TP73: variants seen among roughly 807,000 people sequenced by gnomAD.
The protein encoded by TP73 is p53-like transcription factor.
A neutral mutation model predicts 62.5 loss-of-function variants in TP73; 25 were observed. The ratio of observed to expected loss-of-function variants is 0.40; its 90% CI spans 0.29 to 0.56. TP73 has a LOEUF of 0.56. TP73 is among the 20% of genes least tolerant of loss of function. The pLI is 0.46. For synonymous variants in TP73, 423 were observed against 377.5 expected (o/e 1.12, Z -1.40); for missense variants, 754 against 913.3 (o/e 0.83, Z 2.25).
chr1:3,681,040 G>C (rs1193925894), intron 1 of TP73, among the ~76,000 whole-genome samples: 1 of 152,222 alleles, frequency 6.6e-6, no homozygotes, highest in Non-Finnish European at 1.5e-5. Context: ...GAGGTGGCTT[G>C]GGCCAGCACC....
intron 3 of TP73, among the ~76,000 whole-genome samples, chr1:3,695,045 G>A (rs866323108): frequency 9.8e-5 from 15 of 152,290 alleles, no homozygotes; most frequent in Admixed American, 2.0e-4. Flanking sequence ...ATGGGGGACT[G>A]GATAATCCTG....
chr1:3,657,623 G>A (rs961850476), intron 1 of TP73, among the ~76,000 whole-genome samples: 1 of 152,314 alleles, frequency 6.6e-6, no homozygotes. Flanking sequence ...CCCGGACAAG[G>A]CGTCTGAGAT....
chr1:3,697,492 G>A (rs1357464937), intron 3 of TP73, among the ~76,000 whole-genome samples: 3 of 152,196 alleles, frequency 2.0e-5, no homozygotes, highest in African/African-American at 4.8e-5. Context: ...TCCCGAGCCC[G>A]TCCTTGCCTG....
In TP73 at chr1:3,701,019, C is replaced by T. The variant is rs1639119331; in HGVS notation, c.187-6530C>T. The stretch of plus-strand genomic sequence containing the variant: ...TGAGGAAGGCAGCCTGGACCCTGGG[C>T]ACTGTCTGGGCTTGGGGCTGTGGCC... On this transcript the variant is annotated intron_variant, in intron 3 of 13. Coordinates refer to ENST00000378295, the MANE Select transcript of TP73 (RefSeq NM_005427.4). This position sits in a 1 kb window ranked among gnomAD's most constrained non-coding sequence, Gnocchi z 4.7. 6.6e-6 allele frequency among the ~76,000 whole-genome samples: 1 copy of T among 152,200 alleles called. No individual in the cohort carries two copies. Among genetic ancestry groups the T allele is most frequent in the African/African-American group, 2.4e-5 (1 of 41,460 alleles).
At position 3,699,982 on chromosome 1, in the gene TP73, A is replaced by G. The variant is rs1173600832; in HGVS notation, c.187-7567A>G. On this transcript the variant is annotated intron_variant, in intron 3 of 13. Coordinates refer to ENST00000378295, the MANE Select transcript of TP73 (RefSeq NM_005427.4). This position sits in a 1 kb window ranked among gnomAD's most constrained non-coding sequence, Gnocchi z 4.1. ...TGATCTCCGCCAAGCCCAGGGCCCC[A>G]GGAAGCGGCCCCATCCTTGGGAGCT... 6.6e-6 allele frequency among the ~76,000 whole-genome samples: 1 copy of G among 152,002 alleles called. No individual in the cohort carries two copies. Among genetic ancestry groups the G allele is most frequent in the African/African-American group, 2.4e-5 (1 of 41,392 alleles).
chr1:3,707,302 T>A (rs72846529), intron 3 of TP73, among the ~76,000 whole-genome samples: 4,717 of 152,236 alleles, frequency 0.031, 267 homozygotes, highest in African/African-American at 0.11. Context: ...TTCCGCCTCA[T>A]CAACGGCTGG....
Position 3,699,481 on chromosome 1 carries a change from A to G in TP73, c.187-8068A>G, listed in dbSNP as rs1275519547. 6.6e-6 allele frequency among the ~76,000 whole-genome samples: 1 copy of G among 152,196 alleles called. No homozygotes were observed. The highest frequency in any genetic ancestry group is 1.5e-5 in the Non-Finnish European group (1 of 68,026). On this transcript the variant is annotated intron_variant, in intron 3 of 13. Transcript: ENST00000378295. This position sits in a 1 kb window ranked among gnomAD's most constrained non-coding sequence, Gnocchi z 4.1. ...GAGCCCCTGTCCAGGCTGGAGGGAG[A>G]AGGCCAGGAGGCCAGAGGGAGGCCA... is the stretch of plus-strand genomic sequence containing the variant.
At chr1:3,721,121 G>A (rs1283639219) in intron 4 of TP73, among the ~76,000 whole-genome samples, 9 of 152,384 alleles carry the variant, frequency 5.9e-5, no homozygotes, top group Admixed American at 5.9e-4. Flanking sequence ...CAGCTTGGAA[G>A]TGAGTGGACG....
chr1:3,702,030 G>C (rs1364677758), intron 3 of TP73, among the ~76,000 whole-genome samples: 1 of 152,156 alleles, frequency 6.6e-6, no homozygotes, highest in Non-Finnish European at 1.5e-5. Context: ...GGCATCAGTA[G>C]ACCCAGAAGA....
In TP73 at chr1:3,676,447, G is replaced by A. The variant is rs569041292; in HGVS notation, c.-33-5886G>A. ...GGGACAGGGAGAGGACAGAGGAACA[G>A]GGGACAGGGAGGGGATGCTTGGGGA... On this transcript the variant is annotated intron_variant, in intron 1 of 13. Transcript: ENST00000378295. 3.3e-5 allele frequency among the ~76,000 whole-genome samples: 5 copies of A among 149,502 alleles called. No homozygotes were observed. In the East Asian group the frequency reaches 9.9e-4, roughly 30 times the overall value.
chr1:3,727,329 G>A (rs1641731489), intron 7 of TP73, 105 bp downstream of exon 7: 1 of 1,201,378 alleles, frequency 8.3e-7, no homozygotes. Context: ...CTAGCTTGGG[G>A]AAGAGACTTT....
intron 1 of TP73, chr1:3,659,017 G>C (rs1195715729): frequency 6.6e-6 from 1 of 152,098 alleles, no homozygotes; most frequent in Non-Finnish European, 1.5e-5. Context: ...CATATTTAGG[G>C]GTGGCGTATT....
At position 3,727,129 on chromosome 1, in the gene TP73, C is replaced by T. The variant is rs567288084; in HGVS notation, c.747C>T (p.Phe249=). ...CCCATGTGCAGGTGGGGACGGAATT[C>T]ACCACCATCCTGTACAACTTCATGT... ...PYEPPQVGTE[F]TTILYNFMCN... Residue 249 remains phenylalanine, a synonymous_variant, in exon 7 of 14, where the codon TTC becomes TTT. Coordinates refer to ENST00000378295, the MANE Select transcript of TP73 (RefSeq NM_005427.4). 4 of 1,611,738 alleles carry T rather than the reference C, an allele frequency of 2.5e-6. No homozygotes were observed. The highest frequency in any genetic ancestry group is 3.4e-6 in the Non-Finnish European group (4 of 1,179,326).
At chr1:3,702,773 G>A (rs1040900606) in intron 3 of TP73, among the ~76,000 whole-genome samples, 3 of 152,238 alleles carry the variant, frequency 2.0e-5, no homozygotes, top group East Asian at 1.9e-4. Context: ...TGGCCGCCGC[G>A]GGCCGGGCGT....
chr1:3,729,281 T>TG (rs779539273), intron 9 of TP73, 46 bp from the exon 10 acceptor site: 1 of 1,610,484 alleles, frequency 6.2e-7, no homozygotes, highest in Non-Finnish European at 8.5e-7. Context: ...CCCCCTCCCG[T>TG]GGGGGTCTGG....
chr1:3,661,458 C>T (rs564779854), intron 1 of TP73, among the ~76,000 whole-genome samples: 177 of 152,096 alleles, frequency 1.2e-3, no homozygotes, highest in Non-Finnish European at 2.1e-3. Flanking sequence ...CCTGTAATTC[C>T]AGCACTTTGA....
chr1:3,661,615 AG>A (rs1644988595), intron 1 of TP73, among the ~76,000 whole-genome samples: 1 of 151,610 alleles, frequency 6.6e-6, no homozygotes, highest in South Asian at 2.1e-4. Context: ...AAGCTGAGAT[AG>A]GAGGATCCCT....
chr1:3,705,708 C>T (rs914953806), intron 3 of TP73, among the ~76,000 whole-genome samples: 10 of 152,250 alleles, frequency 6.6e-5, no homozygotes, highest in African/African-American at 1.4e-4. Flanking sequence ...CCTGCCCCTC[C>T]GGCATCCCGG....
intron 1 of TP73, among the ~76,000 whole-genome samples, chr1:3,677,862 C>T (rs1645410132): frequency 6.6e-6 from 1 of 151,940 alleles, no homozygotes; most frequent in Non-Finnish European, 1.5e-5. Flanking sequence ...CCCTCATGCC[C>T]AGCTAATATT....
Sources: allele counts gnomAD v4.1 joint callset (sites outside exome capture counted in the v4.1 genomes callset), GRCh38; gene constraint gnomAD v4.1.1; non-coding constraint Gnocchi (gnomAD v3.1); transcripts MANE v1.5; gene names NCBI Gene and HGNC (gene_info 2026-07-23, HGNC 2026-07-21).